ELP4: variants seen among roughly 807,000 people sequenced by gnomAD.
ELP4 encodes the protein elongator complex protein 4.
ELP4 carries 51 observed loss-of-function variants against 48.9 expected under a neutral mutation model. That is an observed-to-expected ratio of 1.04 (90% confidence interval 0.83 to 1.32). The LOEUF is 1.32. Among genes scored for constraint, ELP4 ranks in the 40% most tolerant of loss-of-function variants. ELP4 has a pLI of 0.00. For synonymous variants in ELP4, 210 were observed against 189.2 expected (o/e 1.11, Z -0.90); for missense variants, 519 against 514.6 (o/e 1.01, Z -0.08).
At chr11:31,549,659 A>G (rs1956804677) in intron 3 of ELP4, among the ~76,000 whole-genome samples, 1 of 152,148 alleles carries the variant, frequency 6.6e-6, no homozygotes, top group Admixed American at 6.5e-5. Context: ...AGGACTATAA[A>G]TCATGCTGCT....
intron 9 of ELP4, among the ~76,000 whole-genome samples, chr11:31,721,284 T>A (rs1946953600): frequency 6.6e-6 from 1 of 152,186 alleles, no homozygotes; most frequent in Admixed American, 6.5e-5. Context: ...AAATCTAGTC[T>A]GATGCCAAGA....
At chr11:31,613,726 T>G (rs952119986) in intron 5 of ELP4, among the ~76,000 whole-genome samples, 4 of 150,816 alleles carry the variant, frequency 2.7e-5, no homozygotes, top group South Asian at 4.2e-4. Flanking sequence ...CTTTTTTTTT[T>G]TTTTTTTGAG....
intron 9 of ELP4, among the ~76,000 whole-genome samples, chr11:31,777,896 G>A (rs1948282727): frequency 6.6e-6 from 1 of 152,170 alleles, no homozygotes; most frequent in South Asian, 2.1e-4. Context: ...TACTTAGCCT[G>A]TACTCTAGTT....
chr11:31,721,756 G>GA (rs908647975), intron 9 of ELP4, among the ~76,000 whole-genome samples: 1 of 151,940 alleles, frequency 6.6e-6, no homozygotes, highest in Non-Finnish European at 1.5e-5. Flanking sequence ...ATATTGAACT[G>GA]AAAAAAACAA....
At chr11:31,770,852 A>G (rs1200066778) in intron 9 of ELP4, among the ~76,000 whole-genome samples, 1 of 115,740 alleles carries the variant, frequency 8.6e-6, no homozygotes, top group Non-Finnish European at 1.7e-5. Context: ...AAAAAAAACA[A>G]GAAAGGAGGG....
intron 3 of ELP4, among the ~76,000 whole-genome samples, chr11:31,587,311 G>A (rs1258722855): frequency 6.6e-6 from 1 of 152,152 alleles, no homozygotes; most frequent in African/African-American, 2.4e-5. Flanking sequence ...TCTGGTTACA[G>A]ACTAGAATGT....
intron 3 of ELP4, among the ~76,000 whole-genome samples, chr11:31,579,752 A>G (rs1565064423): frequency 7.8e-6 from 1 of 128,062 alleles, no homozygotes. Flanking sequence ...ACTTGGACAC[A>G]GAGTGGGGAA....
At chr11:31,729,818 C>T (rs545172748) in intron 9 of ELP4, among the ~76,000 whole-genome samples, 26 of 152,160 alleles carry the variant, frequency 1.7e-4, no homozygotes, top group Non-Finnish European at 3.1e-4. Context: ...AGCTTGTCTA[C>T]GTATAATTCA....
chr11:31,637,913 G>C (rs748612720), intron 7 of ELP4, among the ~76,000 whole-genome samples: 2 of 151,790 alleles, frequency 1.3e-5, no homozygotes, highest in Non-Finnish European at 2.9e-5. Flanking sequence ...TTATTAGTGA[G>C]GTGAAAAGAA....
chr11:31,627,157 T>C lies in ELP4; in HGVS notation c.701T>C (p.Ile234Thr). Residue 234 changes from isoleucine (I) to threonine (T), a missense_variant, in exon 6 of 10, where the codon ATC becomes ACC. Coordinates refer to ENST00000640961, the MANE Select transcript of ELP4 (RefSeq NM_019040.5). ...YTKLLQFIQN[I>T]IYEEGFDGSN... Reference sequence around the variant, plus strand: ...AAGCTGCTTCAGTTTATCCAGAACATCATTTATGAGGAAGGATTTGATGGA... The same window carrying C: ...AAGCTGCTTCAGTTTATCCAGAACACCATTTATGAGGAAGGATTTGATGGA... The C allele has an allele frequency of 6.2e-7, 1 of 1,604,772 alleles. No individual in the cohort carries two copies. Among genetic ancestry groups the C allele is most frequent in the East Asian group, 2.2e-5 (1 of 44,566 alleles).
At chr11:31,763,700 C>T (rs1947992637) in intron 9 of ELP4, among the ~76,000 whole-genome samples, 1 of 152,056 alleles carries the variant, frequency 6.6e-6, no homozygotes, top group Admixed American at 6.6e-5. Flanking sequence ...ACAGCTAAAA[C>T]TGCAACCAAC....
chr11:31,514,341 C>T (rs536998102), intron 1 of ELP4, among the ~76,000 whole-genome samples: 45 of 152,218 alleles, frequency 3.0e-4, no homozygotes, highest in African/African-American at 1.1e-3. Flanking sequence ...CACCTGTAGT[C>T]CCAGCTACTC....
At chr11:31,765,696 T>C (rs1948027850) in intron 9 of ELP4, among the ~76,000 whole-genome samples, 1 of 152,130 alleles carries the variant, frequency 6.6e-6, no homozygotes, top group Non-Finnish European at 1.5e-5. Context: ...GATCCATTGC[T>C]CATTTTCTGG....
chr11:31,661,965 T>C (rs1434946417), intron 9 of ELP4, among the ~76,000 whole-genome samples: 1 of 152,062 alleles, frequency 6.6e-6, no homozygotes, highest in African/African-American at 2.4e-5. Context: ...AATCTAGGAC[T>C]AATCCTTATT....
chr11:31,677,327 C>T (rs1945946874), intron 9 of ELP4, among the ~76,000 whole-genome samples: 1 of 152,142 alleles, frequency 6.6e-6, no homozygotes, highest in African/African-American at 2.4e-5. Flanking sequence ...AGAGCTATGC[C>T]TTCTTTTGCC....
intron 9 of ELP4, among the ~76,000 whole-genome samples, chr11:31,677,937 G>T (rs1945966385): frequency 6.6e-6 from 1 of 152,042 alleles, no homozygotes. Context: ...ATAATGACAT[G>T]TATTCCCATC....
rs1047365262 is a variant in ELP4, at chr11:31,509,769, C to A, written c.-16C>A. 3.3e-5 allele frequency: 54 copies of A among 1,613,132 alleles called. No individual in the cohort carries two copies. Among genetic ancestry groups the A allele is most frequent in the Non-Finnish European group, 4.3e-5 (51 of 1,179,688 alleles). On this transcript the variant is annotated 5_prime_UTR_variant, in exon 1 of 10. Coordinates refer to ENST00000640961, the MANE Select transcript of ELP4 (RefSeq NM_019040.5). Reference sequence around the variant, plus strand: ...GTTCCCAGAGTTCCTATTGGGTTAACACTGGAGGCTCTAAGATGGCGGCAG... The same window carrying A: ...GTTCCCAGAGTTCCTATTGGGTTAAAACTGGAGGCTCTAAGATGGCGGCAG...
chr11:31,611,283 C>T (rs1957973187), intron 5 of ELP4, among the ~76,000 whole-genome samples: 1 of 152,154 alleles, frequency 6.6e-6, no homozygotes, highest in Non-Finnish European at 1.5e-5. Flanking sequence ...CTAGTAAGAC[C>T]AAGGCACTGA....
chr11:31,578,615 A>G (rs1405685190), intron 3 of ELP4, among the ~76,000 whole-genome samples: 1 of 152,208 alleles, frequency 6.6e-6, no homozygotes, highest in Non-Finnish European at 1.5e-5. Flanking sequence ...AACAGAACGG[A>G]GCCCTCAGAA....
Sources: gnomAD v4.1 joint callset for allele counts (sites outside exome capture counted in the v4.1 genomes callset) on GRCh38, gnomAD v4.1.1 for gene constraint, MANE v1.5 for transcripts, NCBI Gene and HGNC (gene_info 2026-07-23, HGNC 2026-07-21) for gene names.